Variants in LINGO2 observed in about 807,000 individuals in gnomAD.
The protein encoded by LINGO2 is leucine-rich repeat and immunoglobulin-like domain-containing nogo receptor-interacting protein 2.
LINGO2 carries 14 observed loss-of-function variants against 30.6 expected under a neutral mutation model. That is an observed-to-expected ratio of 0.46 (90% CI 0.30 to 0.72). The LOEUF is 0.72. Among genes scored for constraint, LINGO2 ranks in the 30% least tolerant of loss-of-function variants. LINGO2 has a pLI of 0.07. For synonymous variants in LINGO2, 317 were observed against 288.5 expected (o/e 1.10, Z -1.00); for missense variants, 729 against 751.7 (o/e 0.97, Z 0.35).
chr9:28,140,909 C>T (rs1053893051), intron 4 of LINGO2, among the ~76,000 whole-genome samples: 5 of 150,476 alleles, frequency 3.3e-5, no homozygotes, highest in Non-Finnish European at 5.9e-5. Flanking sequence ...TTCTTTATTC[C>T]GTAATATACT....
chr9:28,514,754 G>C (rs1425735339), intron 1 of LINGO2, among the ~76,000 whole-genome samples: 1 of 152,154 alleles, frequency 6.6e-6, no homozygotes, highest in Non-Finnish European at 1.5e-5. Flanking sequence ...AGAAGATCTG[G>C]CTAAGACAGT....
At chr9:28,555,453 G>T (rs992942557) in intron 1 of LINGO2, among the ~76,000 whole-genome samples, 12 of 151,500 alleles carry the variant, frequency 7.9e-5, no homozygotes, top group African/African-American at 2.7e-4. Context: ...CCAGGAAGCA[G>T]TTGAATCTCT....
chr9:28,835,280 A>G, the LINGO2 span, among the ~76,000 whole-genome samples: 1 of 152,230 alleles, frequency 6.6e-6, no homozygotes, highest in Non-Finnish European at 1.5e-5. Flanking sequence ...AACATCTGGT[A>G]TGGGGACTTT....
At chr9:28,314,362 T>G (rs1824755510) in intron 3 of LINGO2, among the ~76,000 whole-genome samples, 1 of 152,172 alleles carries the variant, frequency 6.6e-6, no homozygotes, top group African/African-American at 2.4e-5. Context: ...ATCTTTCAAT[T>G]TGAAACCCAA....
intron 5 of LINGO2, among the ~76,000 whole-genome samples, chr9:28,008,307 A>C (rs1253159436): frequency 6.6e-6 from 1 of 152,132 alleles, no homozygotes; most frequent in East Asian, 1.9e-4. Context: ...AAAAATATAC[A>C]TCTATTTACC....
the LINGO2 span, among the ~76,000 whole-genome samples, chr9:29,189,124 GGC>G: frequency 8.2e-6 from 1 of 121,952 alleles, no homozygotes; most frequent in Non-Finnish European, 1.8e-5. Context: ...TCCCGGACGG[GGC>G]GGCTGGCCGG....
chr9:28,742,892 C>T, the LINGO2 span, among the ~76,000 whole-genome samples: 1 of 151,716 alleles, frequency 6.6e-6, no homozygotes, highest in Non-Finnish European at 1.5e-5. Context: ...GTTATAGGAC[C>T]AATAATTCAA....
chr9:29,060,267 G>C, the LINGO2 span, among the ~76,000 whole-genome samples: 2 of 151,878 alleles, frequency 1.3e-5, no homozygotes, highest in Non-Finnish European at 2.9e-5. Context: ...AATATGGTGA[G>C]CATCCAAAAA....
At chr9:28,701,494 A>C in the LINGO2 span, among the ~76,000 whole-genome samples, 1 of 151,940 alleles carries the variant, frequency 6.6e-6, no homozygotes, top group African/African-American at 2.4e-5. Flanking sequence ...TGTGCTCTCT[A>C]TTCTGTTCGA....
At chr9:27,973,325 A>G (rs1820441454) in intron 5 of LINGO2, among the ~76,000 whole-genome samples, 1 of 152,162 alleles carries the variant, frequency 6.6e-6, no homozygotes, top group Non-Finnish European at 1.5e-5. Flanking sequence ...AGGGAAGAAT[A>G]TTTGTTCTGA....
chr9:28,471,705 T>C (rs1032725769), intron 2 of LINGO2, among the ~76,000 whole-genome samples: 1 of 152,212 alleles, frequency 6.6e-6, no homozygotes, highest in Non-Finnish European at 1.5e-5. Context: ...AGAACTCTTA[T>C]ACTATGTCAG....
At chr9:28,654,153 G>C (rs1052109759) in intron 1 of LINGO2, among the ~76,000 whole-genome samples, 6 of 151,984 alleles carry the variant, frequency 3.9e-5, no homozygotes, top group African/African-American at 1.4e-4. Context: ...CATCTTCAAG[G>C]ATTAGTTTTA....
chr9:28,769,625 A>G, the LINGO2 span, among the ~76,000 whole-genome samples: 3 of 144,838 alleles, frequency 2.1e-5, no homozygotes, highest in Non-Finnish European at 3.0e-5. Flanking sequence ...CTGTACTACA[A>G]TTCTCAGGTT....
At chr9:28,241,286 A>G (rs867548748) in intron 4 of LINGO2, among the ~76,000 whole-genome samples, 9,229 of 70,030 alleles carry the variant, frequency 0.13, 336 homozygotes, top group African/African-American at 0.24. Flanking sequence ...AAAAAAAAAA[A>G]AAAAAAGAAA....
chr9:28,536,705 A>C (rs1307908502), intron 1 of LINGO2, among the ~76,000 whole-genome samples: 1 of 152,158 alleles, frequency 6.6e-6, no homozygotes, highest in Non-Finnish European at 1.5e-5. Flanking sequence ...AACAACGAGC[A>C]ATCAACTTGA....
intron 2 of LINGO2, among the ~76,000 whole-genome samples, chr9:28,423,753 A>G (rs1823298147): frequency 6.6e-6 from 1 of 152,156 alleles, no homozygotes; most frequent in South Asian, 2.1e-4. Flanking sequence ...TTTAACCAAA[A>G]TGTAAGTGCT....
intron 1 of LINGO2, among the ~76,000 whole-genome samples, chr9:28,588,909 G>T (rs866431732): frequency 6.6e-6 from 1 of 152,018 alleles, no homozygotes; most frequent in Admixed American, 6.6e-5. Flanking sequence ...GTGCACTGCT[G>T]TGCAAGCTTA....
At chr9:28,197,165 C>T (rs936120301) in intron 4 of LINGO2, among the ~76,000 whole-genome samples, 1 of 151,796 alleles carries the variant, frequency 6.6e-6, no homozygotes, top group African/African-American at 2.4e-5. Context: ...TCACATGTAG[C>T]CCATGAATAC....
chr9:28,949,141 G>A, the LINGO2 span, among the ~76,000 whole-genome samples: 117 of 151,936 alleles, frequency 7.7e-4, no homozygotes, highest in African/African-American at 2.5e-3. Context: ...ATTAAATGCC[G>A]ACAGGAGAAA....
Sources: allele counts gnomAD v4.1 joint callset (sites outside exome capture counted in the v4.1 genomes callset), GRCh38; gene constraint gnomAD v4.1.1; transcripts MANE v1.5; gene names NCBI Gene and HGNC (gene_info 2026-07-23, HGNC 2026-07-21).